The following ZMYM2 variants were observed in gnomAD, a reference collection of about 807,000 sequenced individuals.
ZMYM2 encodes the protein zinc finger MYM-type protein 2.
In ZMYM2, 56 loss-of-function variants were observed where a neutral mutation model predicts 162.8. The ratio of observed to expected loss-of-function variants is 0.34; its 90% CI spans 0.28 to 0.43. ZMYM2 has a LOEUF of 0.43. ZMYM2 is among the 20% of genes least tolerant of loss of function. The pLI is 1.00. For synonymous variants in ZMYM2, 510 were observed against 541.6 expected, an observed-to-expected ratio of 0.94 and a Z score of 0.81; for missense variants, 1,275 against 1,621.8, an observed-to-expected ratio of 0.79 and a Z score of 3.67.
At chr13:20,011,766 T>G (rs1681077291) in intron 6 of ZMYM2, among the ~76,000 whole-genome samples, 1 of 151,392 alleles carries the variant, frequency 6.6e-6, no homozygotes, top group South Asian at 2.1e-4. Flanking sequence ...TTTTTCTTTT[T>G]TGAGATGGAG....
At chr13:19,884,274 G>T in the ZMYM2 span, among the ~76,000 whole-genome samples, 2 of 152,046 alleles carry the variant, frequency 1.3e-5, no homozygotes, top group Non-Finnish European at 2.9e-5. Flanking sequence ...GTAGGTTCTC[G>T]GTCTCGCTGA....
chr13:20,069,610 A>G (rs1956929831), intron 21 of ZMYM2, among the ~76,000 whole-genome samples: 1 of 151,924 alleles, frequency 6.6e-6, no homozygotes, highest in African/African-American at 2.4e-5. Context: ...CCTATTAATA[A>G]TGGTATGAAT....
At chr13:19,864,052 G>C in the ZMYM2 span, 1 of 152,488 alleles carries the variant, frequency 6.6e-6, no homozygotes, top group Non-Finnish European at 1.5e-5. Flanking sequence ...CGAGCCCGGG[G>C]GCCCAAGCTG....
the ZMYM2 span, among the ~76,000 whole-genome samples, chr13:19,921,917 T>C: frequency 1.3e-5 from 2 of 151,518 alleles, no homozygotes; most frequent in African/African-American, 4.8e-5. Context: ...CAAGTATTTT[T>C]TTTTTCCTTT....
At position 20,062,983 on chromosome 13, in the gene ZMYM2, CT is replaced by C; in HGVS notation, c.3037+15del. On this transcript the variant is annotated intron_variant, in intron 18 of 24. Transcript: ENST00000610343. The stretch of plus-strand genomic sequence containing the variant: ...AGATTTTCCCAGAGGTACTCAAAAC[CT>C]TTATGACTATGGAATTTAGTTATGG... The C allele has an allele frequency of 6.3e-7, 1 of 1,589,690 alleles. No homozygotes were observed. Among genetic ancestry groups the C allele is most frequent in the Non-Finnish European group, 8.6e-7 (1 of 1,168,436 alleles).
intron 6 of ZMYM2, among the ~76,000 whole-genome samples, chr13:20,007,843 A>G (rs1199942223): frequency 6.6e-6 from 1 of 151,456 alleles, no homozygotes; most frequent in African/African-American, 2.4e-5. Context: ...CTGGTCTCAC[A>G]CTCCTGAGCT....
At chr13:20,063,287 C>T (rs1383675232) in intron 18 of ZMYM2, among the ~76,000 whole-genome samples, 1 of 151,176 alleles carries the variant, frequency 6.6e-6, no homozygotes, top group Non-Finnish European at 1.5e-5. Context: ...CCTGTAATCC[C>T]AGCTACTCGG....
the ZMYM2 span, among the ~76,000 whole-genome samples, chr13:19,939,592 C>T: frequency 6.6e-6 from 1 of 152,092 alleles, no homozygotes; most frequent in Non-Finnish European, 1.5e-5. Context: ...GTGTAACACA[C>T]TTTAATTTTT....
At chr13:19,986,047 T>G (rs918554848) in intron 2 of ZMYM2, among the ~76,000 whole-genome samples, 1 of 151,522 alleles carries the variant, frequency 6.6e-6, no homozygotes, top group Non-Finnish European at 1.5e-5. Flanking sequence ...AAAATCAGCC[T>G]GGCGTGTGGC....
intron 20 of ZMYM2, 83 bp downstream of exon 20, chr13:20,067,102 TAAATG>T: frequency 7.0e-7 from 1 of 1,419,436 alleles, no homozygotes; most frequent in Non-Finnish European, 9.4e-7. Context: ...TTAAAAAACA[TAAATG>T]TAACTTAAAA....
the ZMYM2 span, among the ~76,000 whole-genome samples, chr13:19,882,489 G>A: frequency 6.6e-6 from 1 of 152,162 alleles, no homozygotes; most frequent in African/African-American, 2.4e-5. Context: ...GCTCACACCT[G>A]TAATCCTAGC....
upstream of ZMYM2, among the ~76,000 whole-genome samples, chr13:19,957,651 C>T (rs1954629415): frequency 3.3e-5 from 5 of 152,146 alleles, no homozygotes; most frequent in Admixed American, 3.3e-4. Context: ...AGGGAGCCTC[C>T]ATGGAGTCTC....
At chr13:20,016,872 C>CT (rs1204590644) in intron 6 of ZMYM2, among the ~76,000 whole-genome samples, 2 of 152,144 alleles carry the variant, frequency 1.3e-5, no homozygotes, top group Non-Finnish European at 2.9e-5. Flanking sequence ...AGATTTGTGT[C>CT]TGTTATCAAA....
At chr13:19,888,187 G>C in the ZMYM2 span, among the ~76,000 whole-genome samples, 5 of 151,364 alleles carry the variant, frequency 3.3e-5, no homozygotes, top group South Asian at 4.2e-4. Context: ...CTAAATTATA[G>C]TTTTGGTTTT....
chr13:19,879,832 G>A, the ZMYM2 span, among the ~76,000 whole-genome samples: 1 of 152,202 alleles, frequency 6.6e-6, no homozygotes, highest in Non-Finnish European at 1.5e-5. Context: ...GGGTCTTTGA[G>A]GGTCTTTCCA....
chr13:20,058,764 A>T, intron 15 of ZMYM2, 60 bp downstream of exon 15: 1 of 1,591,092 alleles, frequency 6.3e-7, no homozygotes, highest in South Asian at 1.1e-5. Flanking sequence ...CTAATGAAAT[A>T]CATGCTTTTC....
chr13:19,973,979 A>G (rs1594103845), intron 2 of ZMYM2, among the ~76,000 whole-genome samples: 1 of 152,340 alleles, frequency 6.6e-6, no homozygotes, highest in South Asian at 2.1e-4. Flanking sequence ...CATAGGGCAT[A>G]TAAGAAAACT....
chr13:19,946,713 G>A, the ZMYM2 span, among the ~76,000 whole-genome samples: 1 of 152,160 alleles, frequency 6.6e-6, no homozygotes, highest in Non-Finnish European at 1.5e-5. Context: ...TAGACTCCCA[G>A]TTAACATTTG....
the ZMYM2 span, among the ~76,000 whole-genome samples, chr13:19,872,140 C>CT: frequency 0.1 from 14,684 of 140,574 alleles, 852 homozygotes; most frequent in African/African-American, 0.17. Flanking sequence ...TGGCTAAGTT[C>CT]TTTTTTTTTT....
Sources: gnomAD v4.1 joint callset for allele counts (sites outside exome capture counted in the v4.1 genomes callset) on GRCh38, gnomAD v4.1.1 for gene constraint, MANE v1.5 for transcripts, NCBI Gene and HGNC (gene_info 2026-07-23, HGNC 2026-07-21) for gene names.